The following SLC16A12 variants were observed in gnomAD, a reference collection of about 807,000 sequenced individuals.
The protein encoded by SLC16A12 is monocarboxylate transporter 12.
In SLC16A12, 17 loss-of-function variants were observed where a neutral mutation model predicts 42.4. The ratio of observed to expected loss-of-function variants is 0.40; its 90% CI spans 0.27 to 0.60. The LOEUF (loss-of-function observed/expected upper bound fraction) is 0.60, where lower values mean the gene tolerates loss of function less well. Among genes scored for constraint, SLC16A12 ranks in the 20% least tolerant of loss-of-function variants. SLC16A12 has a pLI of 0.42. For missense variants in SLC16A12, 544 were observed against 623.0 expected (o/e 0.87, Z 1.35); for synonymous variants, 224 against 229.4 (o/e 0.98, Z 0.21).
At chr10:89,461,712 A>G (rs1665020725) in intron 3 of SLC16A12, among the ~76,000 whole-genome samples, 1 of 152,222 alleles carries the variant, frequency 6.6e-6, no homozygotes, top group African/African-American at 2.4e-5. Flanking sequence ...TAGATTTATC[A>G]TTAAGATGAC....
intron 3 of SLC16A12, among the ~76,000 whole-genome samples, chr10:89,448,861 T>C (rs1049121500): frequency 4.6e-5 from 7 of 152,186 alleles, no homozygotes; most frequent in Non-Finnish European, 1.0e-4. Flanking sequence ...GAAAACCCCA[T>C]CGTCTCAGCC....
intron 7 of SLC16A12, among the ~76,000 whole-genome samples, chr10:89,435,482 A>G (rs1051108801): frequency 2.0e-5 from 3 of 152,210 alleles, no homozygotes; most frequent in Admixed American, 6.5e-5. Flanking sequence ...GCTGCCTCCT[A>G]AACTATTAGA....
chr10:89,458,064 A>G (rs1373411730), intron 3 of SLC16A12, among the ~76,000 whole-genome samples: 2 of 152,214 alleles, frequency 1.3e-5, no homozygotes, highest in African/African-American at 4.8e-5. Context: ...GGAGCATAAC[A>G]TAGATGTTCT....
At chr10:89,470,902 C>T (rs1842481761) in intron 2 of SLC16A12, among the ~76,000 whole-genome samples, 1 of 121,810 alleles carries the variant, frequency 8.2e-6, no homozygotes, top group East Asian at 2.2e-4. Flanking sequence ...CTAACCACCT[C>T]CCCCACCACT....
intron 2 of SLC16A12, among the ~76,000 whole-genome samples, chr10:89,527,975 A>G (rs1843482693): frequency 6.6e-6 from 1 of 152,204 alleles, no homozygotes; most frequent in Non-Finnish European, 1.5e-5. Context: ...TACTTTGTTG[A>G]AGTCACATAG....
At chr10:89,497,227 T>C (rs1842932902) in intron 2 of SLC16A12, among the ~76,000 whole-genome samples, 1 of 152,150 alleles carries the variant, frequency 6.6e-6, no homozygotes, top group South Asian at 2.1e-4. Flanking sequence ...TTAAAACTGC[T>C]CTAAGAAATA....
chr10:89,538,870 A>G (rs976225408), upstream of SLC16A12, among the ~76,000 whole-genome samples: 1 of 152,054 alleles, frequency 6.6e-6, no homozygotes, highest in Non-Finnish European at 1.5e-5. Flanking sequence ...TTCCTTGTAA[A>G]TTCCAGTTTA....
chr10:89,452,710 C>T (rs1007381582), intron 3 of SLC16A12, among the ~76,000 whole-genome samples: 4 of 152,066 alleles, frequency 2.6e-5, no homozygotes, highest in African/African-American at 9.7e-5. Context: ...TGAAGTTTGG[C>T]ATGCAGGGCA....
At chr10:89,508,311 G>A (rs1319837466) in intron 2 of SLC16A12, among the ~76,000 whole-genome samples, 1 of 152,076 alleles carries the variant, frequency 6.6e-6, no homozygotes, top group Non-Finnish European at 1.5e-5. Flanking sequence ...TTCCAAAATT[G>A]ACCACATAGT....
chr10:89,553,802 T>G (rs1250415588), intron 2 of SLC16A12, among the ~76,000 whole-genome samples: 1 of 151,896 alleles, frequency 6.6e-6, no homozygotes, highest in South Asian at 2.1e-4. Context: ...AAGACCAGCC[T>G]GGCCAACACA....
At chr10:89,436,362 T>C in intron 6 of SLC16A12, 43 bp from the exon 7 acceptor site, 1 of 1,612,820 alleles carries the variant, frequency 6.2e-7, no homozygotes, top group South Asian at 1.1e-5. Context: ...AGGTACACAT[T>C]CTGTAAAAGA....
At chr10:89,444,869 C>T (rs1564570513) in intron 3 of SLC16A12, among the ~76,000 whole-genome samples, 1 of 152,218 alleles carries the variant, frequency 6.6e-6, no homozygotes, top group East Asian at 1.9e-4. Flanking sequence ...ACATACTGTA[C>T]TGGGAAAATT....
At chr10:89,497,840 A>G (rs551345026) in intron 2 of SLC16A12, among the ~76,000 whole-genome samples, 137 of 152,318 alleles carry the variant, frequency 9.0e-4, no homozygotes, top group African/African-American at 3.2e-3. Flanking sequence ...CTGAGGTCTC[A>G]GAGCTATATT....
chr10:89,525,169 C>T (rs796203129), intron 2 of SLC16A12, among the ~76,000 whole-genome samples: 7 of 141,390 alleles, frequency 5.0e-5, no homozygotes, highest in African/African-American at 8.0e-5. Context: ...TGCCGTGGGC[C>T]GAGATCGTGC....
chr10:89,443,251 C>A (rs914609610), intron 4 of SLC16A12, among the ~76,000 whole-genome samples: 36 of 152,146 alleles, frequency 2.4e-4, no homozygotes, highest in Non-Finnish European at 5.3e-4. Flanking sequence ...AAGATGAAAT[C>A]CATGAGCCAA....
intron 2 of SLC16A12, among the ~76,000 whole-genome samples, chr10:89,476,540 T>C (rs1045117611): frequency 2.0e-5 from 3 of 152,206 alleles, no homozygotes; most frequent in Admixed American, 6.5e-5. Flanking sequence ...CCTAGGATCA[T>C]GCCTGGGAGA....
upstream of SLC16A12, among the ~76,000 whole-genome samples, chr10:89,539,612 A>G (rs570805254): frequency 6.6e-6 from 1 of 152,356 alleles, no homozygotes; most frequent in East Asian, 1.9e-4. Flanking sequence ...GGCTACAGAT[A>G]AGTAATATTT....
chr10:89,450,609 G>C (rs1031964093), intron 3 of SLC16A12, among the ~76,000 whole-genome samples: 5 of 152,182 alleles, frequency 3.3e-5, no homozygotes, highest in Non-Finnish European at 5.9e-5. Context: ...GCCTGTCGTG[G>C]GGTCAGGGGA....
In SLC16A12 at chr10:89,433,105, C is replaced by G. The variant is rs762405415; in HGVS notation, c.1510G>C (p.Glu504Gln). The G allele has an allele frequency of 1.2e-6, 2 of 1,614,160 alleles. No individual in the cohort carries two copies. Among genetic ancestry groups the G allele is most frequent in the East Asian group, 2.2e-5 (1 of 44,884 alleles). ...CCAGGCACTGCTGTAGCCACAGGCT[C>G]CCCATGTTTCTGATCTAATTCTCTT... ...VARELDQKHG[E>Q]PVATAVPGYS... The change falls in exon 8 of 8, where the codon GAG (glutamate) becomes CAG (glutamine). Residue 504 changes from glutamate to glutamine, a missense_variant. By Grantham distance (29) the Glu-to-Gln change is conservative. Transcript: ENST00000371790.
Sources: allele counts gnomAD v4.1 joint callset (sites outside exome capture counted in the v4.1 genomes callset), GRCh38; gene constraint gnomAD v4.1.1; transcripts MANE v1.5; gene names NCBI Gene and HGNC (gene_info 2026-07-23, HGNC 2026-07-21).